The following ADCY2 variants were observed in gnomAD, a reference collection of about 807,000 sequenced individuals.
ADCY2 encodes the protein adenylate cyclase type 2.
ADCY2 carries 31 observed loss-of-function variants against 125.2 expected under a neutral mutation model. The ratio of observed to expected loss-of-function variants is 0.25; its 90% CI spans 0.19 to 0.33. The LOEUF is 0.33. Ranked by LOEUF, ADCY2 falls within the 10% of genes least tolerant of loss-of-function variation. The probability of loss-of-function intolerance (pLI) is 1.00; values close to 1 mark genes in which losing one functional copy is unlikely to be tolerated. For missense variants in ADCY2, 904 were observed against 1,418.2 expected, an observed-to-expected ratio of 0.64 and a Z score of 5.82; for synonymous variants, 512 against 548.4, an observed-to-expected ratio of 0.93 and a Z score of 0.93.
At chr5:7,644,922 T>C (rs980608870) in intron 4 of ADCY2, among the ~76,000 whole-genome samples, 3 of 152,066 alleles carry the variant, frequency 2.0e-5, no homozygotes, top group African/African-American at 7.2e-5. Flanking sequence ...CAAGGGCGAG[T>C]CTGTTAACAC....
intron 2 of ADCY2, among the ~76,000 whole-genome samples, chr5:7,483,481 C>A (rs1466683103): frequency 1.3e-5 from 2 of 151,918 alleles, no homozygotes; most frequent in African/African-American, 4.8e-5. Context: ...AACCAGAGTA[C>A]TGAAAACATT....
chr5:7,621,826 T>C (rs1363116678), intron 3 of ADCY2, among the ~76,000 whole-genome samples: 3 of 152,126 alleles, frequency 2.0e-5, no homozygotes, highest in Non-Finnish European at 4.4e-5. Flanking sequence ...CATCAAGAGA[T>C]GATGGGGTGC....
chr5:7,784,670 A>C (rs1372358932), intron 19 of ADCY2, among the ~76,000 whole-genome samples: 1 of 152,152 alleles, frequency 6.6e-6, no homozygotes, highest in Admixed American at 6.5e-5. Flanking sequence ...AAATGTTATG[A>C]ATGGCCAAAA....
chr5:7,524,913 A>C (rs572229379), intron 3 of ADCY2, among the ~76,000 whole-genome samples: 8 of 152,306 alleles, frequency 5.3e-5, no homozygotes, highest in African/African-American at 1.7e-4. Flanking sequence ...AACTTGTTTC[A>C]ATTTATTTAT....
chr5:7,589,511 A>AAAGAAAGAGAAAAAGAAAG (rs757777978), intron 3 of ADCY2, among the ~76,000 whole-genome samples: 1 of 110,368 alleles, frequency 9.1e-6, no homozygotes, highest in Admixed American at 9.2e-5. Context: ...AGAAAGAAAG[A>AAAGAAAGAGAAAAAGAAAG]AAAGAAAAGA....
intron 2 of ADCY2, among the ~76,000 whole-genome samples, chr5:7,492,343 G>T (rs1743193439): frequency 6.6e-6 from 1 of 152,192 alleles, no homozygotes; most frequent in Non-Finnish European, 1.5e-5. Context: ...CATTAGCATT[G>T]ATTAATCATC....
intron 3 of ADCY2, among the ~76,000 whole-genome samples, chr5:7,538,301 T>C (rs1354668783): frequency 1.3e-5 from 2 of 152,194 alleles, no homozygotes; most frequent in African/African-American, 2.4e-5. Flanking sequence ...GAATTGGTTG[T>C]ATGAATTTTA....
chr5:7,657,175 T>A (rs960517731), intron 4 of ADCY2, among the ~76,000 whole-genome samples: 1 of 152,192 alleles, frequency 6.6e-6, no homozygotes, highest in Admixed American at 6.5e-5. Context: ...TCCGAAACAC[T>A]TCTGGTCCCA....
chr5:7,570,640 CT>C (rs1736038888), intron 3 of ADCY2, among the ~76,000 whole-genome samples: 3 of 145,574 alleles, frequency 2.1e-5, no homozygotes, highest in Non-Finnish European at 4.6e-5. Flanking sequence ...AAAAAAAATG[CT>C]TGTGTTTGGG....
At chr5:7,505,174 G>T (rs1054779398) in intron 2 of ADCY2, among the ~76,000 whole-genome samples, 1 of 152,118 alleles carries the variant, frequency 6.6e-6, no homozygotes, top group Admixed American at 6.5e-5. Flanking sequence ...GTGAGCCACC[G>T]TGCCTGGCCT....
intron 3 of ADCY2, among the ~76,000 whole-genome samples, chr5:7,536,386 A>C (rs1156773466): frequency 6.6e-6 from 1 of 152,160 alleles, no homozygotes; most frequent in Non-Finnish European, 1.5e-5. Context: ...AGCCAAGAAC[A>C]AGAGGCGACT....
chr5:7,536,498 C>T (rs1029353107), intron 3 of ADCY2, among the ~76,000 whole-genome samples: 2 of 152,184 alleles, frequency 1.3e-5, no homozygotes, highest in Non-Finnish European at 2.9e-5. Context: ...TTGATTCTCA[C>T]CTTGATTGAT....
intron 4 of ADCY2, among the ~76,000 whole-genome samples, chr5:7,682,876 C>T (rs777534848): frequency 1.5e-4 from 23 of 152,264 alleles, no homozygotes; most frequent in South Asian, 1.5e-3. Flanking sequence ...ACATCTGCCA[C>T]GAAGTAGAAT....
intron 14 of ADCY2, among the ~76,000 whole-genome samples, chr5:7,737,323 TG>T (rs1742279281): frequency 6.6e-6 from 1 of 152,190 alleles, no homozygotes; most frequent in African/African-American, 2.4e-5. Context: ...ATAGAGGTGT[TG>T]TTAGCAGAAA....
chr5:7,554,765 A>G (rs1735450667), intron 3 of ADCY2, among the ~76,000 whole-genome samples: 2 of 152,214 alleles, frequency 1.3e-5, no homozygotes, highest in Admixed American at 1.3e-4. Flanking sequence ...CACATGGTTC[A>G]TGATAGATTT....
intron 3 of ADCY2, among the ~76,000 whole-genome samples, chr5:7,600,970 C>T (rs960080268): frequency 1.3e-5 from 2 of 152,128 alleles, no homozygotes; most frequent in African/African-American, 4.8e-5. Context: ...GGATGAAGGT[C>T]ACTGGTGTTA....
intron 2 of ADCY2, among the ~76,000 whole-genome samples, chr5:7,444,305 T>C (rs962846747): frequency 2.6e-5 from 4 of 151,912 alleles, no homozygotes; most frequent in Non-Finnish European, 4.4e-5. Flanking sequence ...TTAGTAGAGA[T>C]GGGGTTTCAC....
chr5:7,514,026 C>G (rs1165204854), intron 2 of ADCY2, among the ~76,000 whole-genome samples: 1 of 152,150 alleles, frequency 6.6e-6, no homozygotes, highest in Non-Finnish European at 1.5e-5. Flanking sequence ...GCTGATTCTG[C>G]TTGCTTATAC....
intron 3 of ADCY2, among the ~76,000 whole-genome samples, chr5:7,542,181 AC>A (rs1308904076): frequency 1.3e-5 from 2 of 151,904 alleles, no homozygotes; most frequent in African/African-American, 4.8e-5. Context: ...CCATCAACCT[AC>A]TCTCCTGATG....
Sources: gnomAD v4.1 joint callset for allele counts (sites outside exome capture counted in the v4.1 genomes callset) on GRCh38, gnomAD v4.1.1 for gene constraint, MANE v1.5 for transcripts, NCBI Gene and HGNC (gene_info 2026-07-23, HGNC 2026-07-21) for gene names.